Variants in PTBP3 observed in about 807,000 individuals in gnomAD.
The protein encoded by PTBP3 is polypyrimidine tract binding protein 3.
A neutral mutation model predicts 58.7 loss-of-function variants in PTBP3; 20 were observed. The observed-to-expected ratio is 0.34, with a 90% CI of 0.24 to 0.50. The LOEUF (loss-of-function observed/expected upper bound fraction) is 0.50. Among genes scored for constraint, PTBP3 ranks in the 20% least tolerant of loss-of-function variants. PTBP3 has a pLI of 0.98. For synonymous variants in PTBP3, 185 were observed against 219.8 expected (o/e 0.84, Z 1.40); for missense variants, 509 against 637.2 (o/e 0.80, Z 2.17).
chr9:112,312,158 C>T (rs754112919), intron 1 of PTBP3, among the ~76,000 whole-genome samples: 1 of 151,780 alleles, frequency 6.6e-6, no homozygotes, highest in Non-Finnish European at 1.5e-5. Flanking sequence ...TCATTGATTA[C>T]GAAAAGAAAA....
At chr9:112,324,663 A>ATTTT (rs1200475681) in intron 1 of PTBP3, among the ~76,000 whole-genome samples, 5 of 117,752 alleles carry the variant, frequency 4.2e-5, no homozygotes, top group Non-Finnish European at 5.7e-5. Context: ...TTTTTTTTTA[A>ATTTT]AAAAAAACAA....
In PTBP3 at chr9:112,221,500, C is replaced by A. The variant is rs1834805360; in HGVS notation, c.*2351G>T. On this transcript the variant is annotated 3_prime_UTR_variant, in exon 14 of 14. Coordinates refer to ENST00000374257, the MANE Select transcript of PTBP3 (RefSeq NM_001163788.4). ...CCTAACTTAAAGTAAATGAAATAAT[C>A]CAATTTAACATGGCACTGAAAATTA... The A allele has an allele frequency of 2.0e-6, 2 of 985,312 alleles. No homozygotes were observed. Among genetic ancestry groups the A allele is most frequent in the South Asian group, 9.4e-5 (2 of 21,272 alleles). 61.0% of individuals were successfully genotyped at this position (985,312 alleles called of 1,614,324 possible). A position where few individuals can be genotyped will look rare whatever the true frequency, so the allele number is the denominator to read the frequency against.
intron 1 of PTBP3, among the ~76,000 whole-genome samples, chr9:112,323,831 A>T (rs1448443103): frequency 6.6e-6 from 1 of 152,212 alleles, no homozygotes; most frequent in Admixed American, 6.5e-5. Context: ...AAAAAGAGAG[A>T]GAGTACAGGG....
chr9:112,297,338 G>A (rs1293946249), intron 2 of PTBP3, among the ~76,000 whole-genome samples: 1 of 152,148 alleles, frequency 6.6e-6, no homozygotes, highest in Non-Finnish European at 1.5e-5. Context: ...CCAAGTAGCT[G>A]GGATTACAGG....
chr9:112,334,172 C>T (rs768231005), upstream of PTBP3, among the ~76,000 whole-genome samples: 1 of 152,020 alleles, frequency 6.6e-6, no homozygotes, highest in Non-Finnish European at 1.5e-5. Context: ...CCGCTGGGAC[C>T]GACACCAGCC....
chr9:112,271,663 T>G (rs1420902689), intron 3 of PTBP3, among the ~76,000 whole-genome samples: 1 of 152,068 alleles, frequency 6.6e-6, no homozygotes, highest in Non-Finnish European at 1.5e-5. Flanking sequence ...GAGGCAGAAG[T>G]TGCAGTGAGG....
intron 1 of PTBP3, among the ~76,000 whole-genome samples, chr9:112,327,548 G>A (rs529231380): frequency 7.2e-5 from 11 of 152,132 alleles, no homozygotes; most frequent in Non-Finnish European, 1.5e-4. Context: ...GCAACAGAGG[G>A]AGACCACCGT....
rs747130647 is a variant in PTBP3 at position 112,268,131 on chromosome 9, G to A, written c.269C>T (p.Thr90Ile). 1.3e-5 allele frequency: 21 copies of A among 1,613,744 alleles called. No homozygotes were observed. Among genetic ancestry groups the A allele is most frequent in the South Asian group, 3.3e-5 (3 of 91,056 alleles). ...VTMVNYYTPI[T>I]PHLRSQPVYI... ...AACAGGCTGGCTTCGAAGGTGAGGA[G>A]TAATAGGAGTGTAATAATTCACCAT... The change falls in exon 4 of 14, where the codon ACT becomes ATT. Residue 90 changes from threonine (T) to isoleucine (I), a missense_variant. By Grantham distance (89) the Thr-to-Ile change is moderately conservative (BLOSUM62 -1). Coordinates refer to ENST00000374257, the MANE Select transcript of PTBP3 (RefSeq NM_001163788.4).
chr9:112,305,149 G>A (rs931137149), intron 1 of PTBP3, among the ~76,000 whole-genome samples: 8 of 152,076 alleles, frequency 5.3e-5, no homozygotes, highest in Non-Finnish European at 1.2e-4. Flanking sequence ...TTTTAATATG[G>A]CCCACAGTTT....
chr9:112,278,971 AT>A (rs1827739945), intron 2 of PTBP3, among the ~76,000 whole-genome samples: 1 of 152,226 alleles, frequency 6.6e-6, no homozygotes, highest in East Asian at 1.9e-4. Context: ...AATGACAGTG[AT>A]TTTTTGCACT....
At chr9:112,257,405 G>T (rs988585076) in intron 5 of PTBP3, among the ~76,000 whole-genome samples, 2 of 152,100 alleles carry the variant, frequency 1.3e-5, no homozygotes, top group Non-Finnish European at 2.9e-5. Flanking sequence ...ATATATATAT[G>T]AATCTATTTT....
chr9:112,230,362 T>C (rs1835153736), intron 10 of PTBP3, among the ~76,000 whole-genome samples: 1 of 121,632 alleles, frequency 8.2e-6, no homozygotes, highest in Admixed American at 8.0e-5. Context: ...AGCAGTTTTC[T>C]ATCTTATTTT....
chr9:112,374,375 C>T, the PTBP3 span, among the ~76,000 whole-genome samples: 2 of 152,202 alleles, frequency 1.3e-5, no homozygotes, highest in East Asian at 1.9e-4. Flanking sequence ...CAAATATTTG[C>T]TAGTGGATCA....
the PTBP3 span, among the ~76,000 whole-genome samples, chr9:112,377,431 G>C: frequency 6.6e-6 from 1 of 152,182 alleles, no homozygotes; most frequent in Non-Finnish European, 1.5e-5. Context: ...AAAAGACAGG[G>C]AAGCCACCTA....
chr9:112,379,861 T>TA, the PTBP3 span: 1 of 521,994 alleles, frequency 1.9e-6, no homozygotes, highest in South Asian at 2.4e-5. Context: ...GACAGGAGCC[T>TA]GATTGTCACC....
Position 112,275,864 on chromosome 9 carries a change from T to C in PTBP3, c.184A>G (p.Met62Val), listed in dbSNP as rs1827587581. The C allele has an allele frequency of 6.2e-7, 1 of 1,612,970 alleles. No homozygotes were observed. The highest frequency in any genetic ancestry group is 1.3e-5 in the African/African-American group (1 of 74,914). ...CATACCTGGCTTTTTCCTTTCAACATCAAAAGATTAGTTACTTTGCCAAAT... is the reference window on the plus strand; with the variant it reads ...CATACCTGGCTTTTTCCTTTCAACACCAAAAGATTAGTTACTTTGCCAAAT... ...LPFGKVTNLL[M>V]LKGKSQAFLE... The change falls in exon 3 of 14, where the codon ATG becomes GTG. Residue 62 changes from methionine to valine, a missense_variant. Coordinates refer to ENST00000374257, the MANE Select transcript of PTBP3 (RefSeq NM_001163788.4).
At position 112,262,598 on chromosome 9, in the gene PTBP3, C is replaced by T. The variant is rs200618350; in HGVS notation, c.353G>A (p.Arg118Gln). The T allele has an allele frequency of 1.5e-5, 24 of 1,558,376 alleles. No homozygotes were observed. The East Asian group carries it at 5.3e-4, about 35-fold the overall frequency. ...LKTDNLPNQA[R>Q]AQAALQAVSA... ...GACAGCCTGCAGTGCAGCTTGGGCT[C>T]GCTATAGAACAACCCAAAATGAGAA... The change falls in exon 5 of 14, where the codon CGA becomes CAA. Residue 118 changes from arginine to glutamine, a missense_variant and splice_region_variant. Physicochemically the swap from Arg to Gln is conservative, Grantham distance 43 (BLOSUM62 1). Around this residue, in one of 4 missense-constraint regions of PTBP3, gnomAD observed 212 missense variants for 215.3 expected, o/e 0.98. Transcript: ENST00000374257.
chr9:112,283,288 G>C (rs1171760408), intron 2 of PTBP3, among the ~76,000 whole-genome samples: 1 of 152,194 alleles, frequency 6.6e-6, no homozygotes, highest in African/African-American at 2.4e-5. Flanking sequence ...CAGAAGACAG[G>C]AAGATGTGGG....
chr9:112,302,075 G>C lies in PTBP3; in HGVS notation c.-51-4159C>G, dbSNP rs550924994. Among the ~76,000 whole-genome samples the C allele has an allele frequency of 3.3e-5, 5 of 152,188 alleles. No individual in the cohort carries two copies. In the East Asian group the frequency reaches 9.6e-4, roughly 29 times the overall value. ...TGTGCTTCTGTACAACAGTGGTCCA[G>C]AAGGCATCCCTTCAAAGATAAGCAG... On this transcript the variant is annotated intron_variant, in intron 1 of 13. Coordinates refer to ENST00000374257, the MANE Select transcript of PTBP3 (RefSeq NM_001163788.4).
Sources: allele counts gnomAD v4.1 joint callset (sites outside exome capture counted in the v4.1 genomes callset), GRCh38; gene constraint gnomAD v4.1.1; regional missense constraint gnomAD v4.1.1; transcripts MANE v1.5; gene names NCBI Gene and HGNC (gene_info 2026-07-23, HGNC 2026-07-21).